Variants in MAF observed in about 807,000 individuals in gnomAD.
MAF encodes transcription factor Maf.
MAF carries 10 observed loss-of-function variants against 22.0 expected under a neutral mutation model. The observed-to-expected ratio is 0.45, with a 90% confidence interval of 0.28 to 0.77. The LOEUF (loss-of-function observed/expected upper bound fraction) is 0.77, where lower values mean the gene tolerates loss of function less well. Among genes scored for constraint, MAF ranks in the 30% least tolerant of loss-of-function variants. MAF has a pLI of 0.12. For synonymous variants in MAF, 337 were observed against 255.8 expected (o/e 1.32, Z -3.03); for missense variants, 544 against 548.4 (o/e 0.99, Z 0.08).
chr16:79,588,266 C>G (rs376331411), intron 1 of MAF, among the ~76,000 whole-genome samples: 69 of 152,300 alleles, frequency 4.5e-4, no homozygotes, highest in African/African-American at 1.6e-3. Context: ...CACAGAAAGT[C>G]TGGCAAAGGG....
chr16:79,477,358 G>A, the MAF span, among the ~76,000 whole-genome samples: 1 of 152,266 alleles, frequency 6.6e-6, no homozygotes, highest in Middle Eastern at 3.4e-3. Flanking sequence ...CTGTTCAGTC[G>A]CCCAGTGGGT....
At chr16:79,377,997 A>C in the MAF span, among the ~76,000 whole-genome samples, 4 of 152,074 alleles carry the variant, frequency 2.6e-5, no homozygotes, top group African/African-American at 9.7e-5. Flanking sequence ...CTTAGGATTG[A>C]CTTGGTGATG....
At chr16:79,357,260 A>ATT in the MAF span, among the ~76,000 whole-genome samples, 1 of 130,756 alleles carries the variant, frequency 7.6e-6, no homozygotes, top group Non-Finnish European at 1.5e-5. Context: ...TGTCACAACA[A>ATT]CAACAACAAC....
the MAF span, among the ~76,000 whole-genome samples, chr16:79,327,944 C>A: frequency 6.6e-6 from 1 of 152,208 alleles, no homozygotes; most frequent in Non-Finnish European, 1.5e-5. Context: ...GACTTACGTG[C>A]AAACCTTAGC....
the MAF span, among the ~76,000 whole-genome samples, chr16:79,383,366 A>G: frequency 1.3e-5 from 2 of 152,204 alleles, no homozygotes; most frequent in Admixed American, 1.3e-4. Flanking sequence ...AGAAATCAAG[A>G]AGGAAATAAA....
At chr16:79,444,780 C>T in the MAF span, among the ~76,000 whole-genome samples, 55 of 152,182 alleles carry the variant, frequency 3.6e-4, 1 homozygote, top group Admixed American at 4.6e-4. Flanking sequence ...GCCCGGCCCA[C>T]GTAATCTCCC....
the MAF span, among the ~76,000 whole-genome samples, chr16:79,432,695 C>T: frequency 6.6e-6 from 1 of 152,090 alleles, no homozygotes; most frequent in Non-Finnish European, 1.5e-5. Flanking sequence ...AGTAGGATGG[C>T]CCCTAATCCA....
At chr16:79,493,615 G>A in the MAF span, among the ~76,000 whole-genome samples, 197 of 152,234 alleles carry the variant, frequency 1.3e-3, no homozygotes, top group Non-Finnish European at 2.0e-3. Context: ...GCCCAGTCTC[G>A]GTTACATGGA....
chr16:79,588,824 A>T (rs986080671), intron 1 of MAF, among the ~76,000 whole-genome samples: 8 of 152,178 alleles, frequency 5.3e-5, no homozygotes, highest in Admixed American at 2.0e-4. Flanking sequence ...GAAAAAATAA[A>T]TGAATAAATA....
chr16:79,517,342 G>A, the MAF span, among the ~76,000 whole-genome samples: 6 of 152,164 alleles, frequency 3.9e-5, no homozygotes, highest in African/African-American at 4.8e-5. Flanking sequence ...CAGACATGCC[G>A]ATGGCTTGCT....
At chr16:79,410,370 T>A in the MAF span, among the ~76,000 whole-genome samples, 1 of 152,350 alleles carries the variant, frequency 6.6e-6, no homozygotes, top group African/African-American at 2.4e-5. Context: ...CAAAGTTAAA[T>A]AGCCACATGC....
the MAF span, among the ~76,000 whole-genome samples, chr16:79,484,601 G>C: frequency 2.0e-5 from 3 of 152,172 alleles, no homozygotes; most frequent in Non-Finnish European, 4.4e-5. Context: ...CCTTGGAAAA[G>C]GCCCAGGGCA....
the MAF span, among the ~76,000 whole-genome samples, chr16:79,410,717 G>C: frequency 6.6e-6 from 1 of 152,190 alleles, no homozygotes. Flanking sequence ...CAGCATTTGA[G>C]CTGCTCATAT....
the MAF span, among the ~76,000 whole-genome samples, chr16:79,560,017 G>A: frequency 6.6e-6 from 1 of 152,172 alleles, no homozygotes. Flanking sequence ...CAATCCTCCT[G>A]CTTTAGCCTT....
the MAF span, among the ~76,000 whole-genome samples, chr16:79,404,556 T>G: frequency 1.3e-5 from 2 of 152,180 alleles, no homozygotes; most frequent in Admixed American, 1.3e-4. Context: ...GACCTGCACT[T>G]TACTTACCGC....
chr16:79,437,152 G>A, the MAF span, among the ~76,000 whole-genome samples: 5 of 29,170 alleles, frequency 1.7e-4, no homozygotes, highest in African/African-American at 4.0e-4. Flanking sequence ...CTCTCTGTGT[G>A]TGTGTGTGTG....
chr16:79,444,798 T>C, the MAF span, among the ~76,000 whole-genome samples: 4 of 152,172 alleles, frequency 2.6e-5, no homozygotes, highest in Admixed American at 6.5e-5. Flanking sequence ...CCCCTTATCA[T>C]AGCAACTAGT....
chr16:79,358,482 C>G, the MAF span, among the ~76,000 whole-genome samples: 1 of 152,098 alleles, frequency 6.6e-6, no homozygotes, highest in Non-Finnish European at 1.5e-5. Flanking sequence ...TTGATCCCAC[C>G]CAACTCCAGA....
At chr16:79,404,598 C>T in the MAF span, among the ~76,000 whole-genome samples, 11 of 151,944 alleles carry the variant, frequency 7.2e-5, no homozygotes, top group African/African-American at 2.7e-4. Flanking sequence ...GAATGACACA[C>T]ATTGAAATGA....
Sources: gnomAD v4.1 joint callset for allele counts (sites outside exome capture counted in the v4.1 genomes callset) on GRCh38, gnomAD v4.1.1 for gene constraint, MANE v1.5 for transcripts, NCBI Gene and HGNC (gene_info 2026-07-23, HGNC 2026-07-21) for gene names.